COQ8A: variants seen among roughly 807,000 people sequenced by gnomAD.
COQ8A encodes the protein coenzyme Q8A, also known as atypical kinase COQ8A, mitochondrial.
Under a neutral mutation model 65.0 loss-of-function variants are expected in COQ8A, and 51 were observed. That is an observed-to-expected ratio of 0.78 (90% CI 0.63 to 0.99). COQ8A has a LOEUF of 0.99. Among genes scored for constraint, COQ8A ranks in the 50% least tolerant of loss-of-function variants. COQ8A has a pLI of 0.00. For missense variants in COQ8A, 940 were observed against 875.0 expected, an observed-to-expected ratio of 1.07 and a Z score of -0.94; for synonymous variants, 371 against 353.2, an observed-to-expected ratio of 1.05 and a Z score of -0.57.
chr1:226,982,503 C>T, intron 6 of COQ8A, 175 bp from the exon 7 acceptor site: 2 of 753,714 alleles, frequency 2.7e-6, no homozygotes, highest in Middle Eastern at 3.6e-4. Context: ...GCTGGGGCTC[C>T]CGGGAAGCTG....
intron 2 of COQ8A, among the ~76,000 whole-genome samples, chr1:226,963,540 C>T (rs1658380189): frequency 6.6e-6 from 1 of 152,224 alleles, no homozygotes; most frequent in Admixed American, 6.5e-5. Context: ...GGGCCCTGCC[C>T]AGGCTCCCTC....
chr1:226,956,270 A>G (rs1572030542), intron 1 of COQ8A, among the ~76,000 whole-genome samples: 1 of 62,526 alleles, frequency 1.6e-5, no homozygotes, highest in African/African-American at 8.3e-5. Context: ...CCTGGTTCAC[A>G]CTCTCCCTGG....
intron 4 of COQ8A, among the ~76,000 whole-genome samples, chr1:226,969,074 A>T (rs930315817): frequency 2.0e-5 from 3 of 152,130 alleles, no homozygotes; most frequent in African/African-American, 7.2e-5. Flanking sequence ...TAAATGTTCC[A>T]TGTTTACCTG....
intron 1 of COQ8A, among the ~76,000 whole-genome samples, chr1:226,952,651 A>G (rs772511055): frequency 6.6e-5 from 10 of 152,298 alleles, no homozygotes; most frequent in Middle Eastern, 3.4e-3. Flanking sequence ...GCTTCAAGCA[A>G]TCTTCCCACC....
At position 226,961,449 on chromosome 1, in the gene COQ8A, G is replaced by C. The variant is rs1316238147; in HGVS notation, c.64G>C (p.Ala22Pro). The change falls in exon 2 of 15, where the codon GCC becomes CCC. Residue 22 changes from alanine to proline, a missense_variant. By Grantham distance (27) the Ala-to-Pro change is conservative (BLOSUM62 -1). Transcript: ENST00000366777. ...AKGLVKLTQA[A>P]VETHLQHLGI... Reference sequence around the variant, plus strand: ...AGGCCTTGTCAAGCTGACCCAGGCGGCCGTGGAAACCCACCTGCAGCACTT... The same window carrying C: ...AGGCCTTGTCAAGCTGACCCAGGCGCCCGTGGAAACCCACCTGCAGCACTT... 6.2e-7 allele frequency: 1 copy of C among 1,613,822 alleles called. No homozygotes were observed. Among genetic ancestry groups the C allele is most frequent in the South Asian group, 1.1e-5 (1 of 91,090 alleles).
In COQ8A at chr1:226,987,029, A is replaced by G. The variant is rs2148145085; in HGVS notation, c.*292A>G. 2.1e-6 allele frequency: 1 copy of G among 483,582 alleles called. No homozygotes were observed. Among genetic ancestry groups the G allele is most frequent in the South Asian group, 2.1e-5 (1 of 47,004 alleles). 30.0% of individuals were successfully genotyped at this position (483,582 alleles called of 1,614,324 possible). On this transcript the variant is annotated 3_prime_UTR_variant, in exon 15 of 15. Transcript: ENST00000366777. ...CAACTTTGTTTTCTTCTTTTTCCTG[A>G]TGTGAATGTTAAGCAGAAGGGAGAG...
In COQ8A at chr1:226,965,223, C is replaced by A; in HGVS notation, c.401C>A (p.Ala134Asp). The A allele has an allele frequency of 6.2e-7, 1 of 1,613,888 alleles. No individual in the cohort carries two copies. Among genetic ancestry groups the A allele is most frequent in the Non-Finnish European group, 8.5e-7 (1 of 1,180,020 alleles). ...PFREAGFPGQ[A>D]SSPLGRANGR... ...AGAGAAGCCGGGTTCCCCGGCCAGGCCTCCTCCCCTCTGGGCAGGGCCAAC... is the reference window on the plus strand; with the variant it reads ...AGAGAAGCCGGGTTCCCCGGCCAGGACTCCTCCCCTCTGGGCAGGGCCAAC... Residue 134 changes from alanine (A) to aspartate (D), a missense_variant, in exon 3 of 15, where the codon GCC becomes GAC. By Grantham distance (126) the Ala-to-Asp change is moderately radical. Coordinates refer to ENST00000366777, the MANE Select transcript of COQ8A (RefSeq NM_020247.5).
intron 1 of COQ8A, among the ~76,000 whole-genome samples, chr1:226,956,323 C>G (rs1322766514): frequency 7.5e-6 from 1 of 133,692 alleles, no homozygotes; most frequent in Non-Finnish European, 1.6e-5. Context: ...CTCTCACTCT[C>G]CCTGGTTCAC....
intron 1 of COQ8A, among the ~76,000 whole-genome samples, chr1:226,955,943 C>T (rs1354461195): frequency 8.4e-5 from 12 of 142,768 alleles, no homozygotes; most frequent in Non-Finnish European, 1.8e-4. Context: ...TTCCCATTCT[C>T]CCTGGTTCCC....
At chr1:226,952,444 C>G (rs745306023) in intron 1 of COQ8A, among the ~76,000 whole-genome samples, 97 of 152,088 alleles carry the variant, frequency 6.4e-4, no homozygotes, top group Non-Finnish European at 1.3e-3. Context: ...GACAGGTCTT[C>G]TTGCTCTGTT....
At position 226,946,012 on chromosome 1, in the gene COQ8A, A is replaced by G. The variant is rs1231566889; in HGVS notation, c.-10+5613A>G. Among the ~76,000 whole-genome samples, 1 of 152,108 alleles carries G rather than the reference A, an allele frequency of 6.6e-6. No individual in the cohort carries two copies. ...GCTCAGCCTCCTCGGTGGTCTCTTC[A>G]GTCCTGGGCTCTCGATGAGGGAGCT... On this transcript the variant is annotated intron_variant, in intron 1 of 14. Transcript: ENST00000366777. The surrounding 1 kb of genome is among the most constrained non-coding windows in gnomAD (Gnocchi z 5.3).
chr1:226,976,763 G>T (rs1659262620), intron 4 of COQ8A, among the ~76,000 whole-genome samples: 1 of 152,174 alleles, frequency 6.6e-6, no homozygotes, highest in South Asian at 2.1e-4. Context: ...TGATTCGGAA[G>T]ATTGTGAAAG....
At chr1:226,980,391 G>A (rs555702357) in intron 5 of COQ8A, among the ~76,000 whole-genome samples, 1 of 152,342 alleles carries the variant, frequency 6.6e-6, no homozygotes, top group South Asian at 2.1e-4. Context: ...TGCTAGCCTA[G>A]GCCTACTCTG....
rs1371314785 is a variant in COQ8A at position 226,940,351 on chromosome 1, C to G, written c.-58C>G. 2 of 152,506 alleles carry G rather than the reference C, an allele frequency of 1.3e-5. No homozygotes were observed. Among genetic ancestry groups the G allele is most frequent in the East Asian group, 3.9e-4 (2 of 5,174 alleles). 9.4% of individuals were successfully genotyped at this position (152,506 alleles called of 1,614,324 possible). ...GCGGTGGCCAGCGCGCAGAGGCGGG[C>G]GCGGAGGCGGCTAGAAGGTGACCGC... On this transcript the variant is annotated 5_prime_UTR_variant, in exon 1 of 15. Coordinates refer to ENST00000366777, the MANE Select transcript of COQ8A (RefSeq NM_020247.5).
chr1:226,982,832 G>A, intron 7 of COQ8A, 62 bp from the exon 8 acceptor site: 1 of 1,612,732 alleles, frequency 6.2e-7, no homozygotes, highest in Non-Finnish European at 8.5e-7. Flanking sequence ...GACAGACTTG[G>A]GGCTTCTCCC....
At chr1:226,977,680 C>T (rs1447785289) in intron 5 of COQ8A, among the ~76,000 whole-genome samples, 157 bp downstream of exon 5, 1 of 152,144 alleles carries the variant, frequency 6.6e-6, no homozygotes, top group Non-Finnish European at 1.5e-5. Flanking sequence ...TGAGGCTGTT[C>T]ATACAGACAG....
chr1:226,982,106 G>C lies in COQ8A; in HGVS notation c.810G>C (p.Val270=), dbSNP rs897444958. The C allele has an allele frequency of 6.2e-7, 1 of 1,610,064 alleles. No homozygotes were observed. Among genetic ancestry groups the C allele is most frequent in the Non-Finnish European group, 8.5e-7 (1 of 1,178,932 alleles). The change falls in exon 6 of 15, where the codon GTG becomes GTC. Residue 270 remains valine, a synonymous_variant. Coordinates refer to ENST00000366777, the MANE Select transcript of COQ8A (RefSeq NM_020247.5). ...GGATCGTGCGCACGCTCTGCAAGGT[G>C]CGTGGTGCGGCACTCAAGCTGGGCC... The part of the protein sequence containing the change: ...AERIVRTLCK[V]RGAALKLGQM...
chr1:226,971,708 G>A (rs957376498), intron 4 of COQ8A, among the ~76,000 whole-genome samples: 3 of 152,014 alleles, frequency 2.0e-5, no homozygotes, highest in African/African-American at 4.8e-5. Context: ...TTTTGAAAAT[G>A]TGGCTATCAG....
chr1:226,960,317 TTGGTGGTGGTATCAGTGGTACTTGG>T (rs1658106684), intron 1 of COQ8A, among the ~76,000 whole-genome samples: 3 of 143,950 alleles, frequency 2.1e-5, no homozygotes, highest in African/African-American at 5.3e-5. Context: ...GTGGCGGTAC[TTGGTGGTGGTATCAGTGGTACTTGG>T]TGGTGGTGGT....
Sources: gnomAD v4.1 joint callset for allele counts (sites outside exome capture counted in the v4.1 genomes callset) on GRCh38, gnomAD v4.1.1 for gene constraint, Gnocchi (gnomAD v3.1) non-coding constraint, MANE v1.5 for transcripts, NCBI Gene and HGNC (gene_info 2026-07-23, HGNC 2026-07-21) for gene names.